Variants in MAPK10 observed in about 807,000 individuals in gnomAD.
The protein encoded by MAPK10 is JNK3 alpha protein kinase.
Under a neutral mutation model 59.3 loss-of-function variants are expected in MAPK10, and 25 were observed. That is an observed-to-expected ratio of 0.42 (90% CI 0.31 to 0.59). MAPK10 has a LOEUF of 0.59. MAPK10 is among the 20% of genes least tolerant of loss of function. The pLI is 0.15. For synonymous variants in MAPK10, 190 were observed against 200.5 expected (o/e 0.95, Z 0.44); for missense variants, 351 against 568.9 (o/e 0.62, Z 3.90).
At chr4:86,248,861 C>T (rs1204309566) in intron 2 of MAPK10, among the ~76,000 whole-genome samples, 3 of 152,080 alleles carry the variant, frequency 2.0e-5, no homozygotes, top group Admixed American at 6.6e-5. Flanking sequence ...GGAGAACAAA[C>T]CATAAATCTG....
intron 1 of MAPK10, among the ~76,000 whole-genome samples, chr4:86,366,221 T>C (rs1737868678): frequency 6.6e-6 from 1 of 152,120 alleles, no homozygotes; most frequent in South Asian, 2.1e-4. Context: ...GAATCAGAGC[T>C]GTGTTTGTCT....
chr4:86,389,421 T>A (rs548374668), intron 1 of MAPK10, among the ~76,000 whole-genome samples: 1 of 152,374 alleles, frequency 6.6e-6, no homozygotes, highest in Non-Finnish European at 1.5e-5. Flanking sequence ...TACTACTGTA[T>A]AACATTTAAC....
In MAPK10 at chr4:86,026,949, A is replaced by G. The variant is rs1750600281; in HGVS notation, c.1252+2248T>C. On this transcript the variant is annotated intron_variant, in intron 13 of 13. Coordinates refer to ENST00000641462, the MANE Select transcript of MAPK10 (RefSeq NM_138982.4). ...AGGGTCTGCCAATTTCCATGTTGTA[A>G]ATCCTTCGTGCCTGATTTCACGTTG... The G allele has an allele frequency of 1.3e-5, 2 of 152,170 alleles. 1 individual carries two copies. The highest frequency in any genetic ancestry group is 4.1e-4 in the South Asian group (2 of 4,820). The allele number at this position is 152,170 out of a possible 1,614,324, so 9.4% of individuals were successfully genotyped here.
chr4:86,067,387 C>T (rs1484401777), intron 10 of MAPK10, among the ~76,000 whole-genome samples: 1 of 152,092 alleles, frequency 6.6e-6, no homozygotes, highest in Non-Finnish European at 1.5e-5. Context: ...ACCTCTTGAT[C>T]CTCCCGCCTC....
chr4:86,517,390 C>T (rs900491134), intron 1 of MAPK10, among the ~76,000 whole-genome samples: 2 of 151,154 alleles, frequency 1.3e-5, no homozygotes, highest in African/African-American at 4.9e-5. Context: ...ATTCTCCTGC[C>T]TCAGCTTCGC....
intron 2 of MAPK10, among the ~76,000 whole-genome samples, chr4:86,229,597 T>C (rs1043721385): frequency 6.6e-6 from 1 of 152,146 alleles, no homozygotes; most frequent in Non-Finnish European, 1.5e-5. Flanking sequence ...ACATCCTTAA[T>C]GGTTAACTAA....
chr4:86,400,231 C>CA (rs1166955294), intron 1 of MAPK10, among the ~76,000 whole-genome samples: 2 of 152,134 alleles, frequency 1.3e-5, no homozygotes, highest in African/African-American at 2.4e-5. Context: ...TCTGACATTA[C>CA]ATGCTGATTA....
chr4:86,103,622 A>C (rs951214052), intron 5 of MAPK10, among the ~76,000 whole-genome samples: 8 of 152,112 alleles, frequency 5.3e-5, no homozygotes, highest in Non-Finnish European at 1.0e-4. Flanking sequence ...AGTGAGACTT[A>C]GCAAGGGGAT....
At chr4:86,436,514 TTGA>T (rs1232729677) in intron 1 of MAPK10, among the ~76,000 whole-genome samples, 2 of 152,146 alleles carry the variant, frequency 1.3e-5, no homozygotes, top group Non-Finnish European at 2.9e-5. Flanking sequence ...TAGCCTTTTT[TTGA>T]TGTATTTTTT....
intron 1 of MAPK10, among the ~76,000 whole-genome samples, chr4:86,418,534 C>T (rs1368927920): frequency 6.6e-6 from 1 of 152,216 alleles, no homozygotes; most frequent in Non-Finnish European, 1.5e-5. Context: ...CTGCAAACTA[C>T]TCAAACCATG....
intron 9 of MAPK10, among the ~76,000 whole-genome samples, chr4:86,072,953 G>A (rs1234129368): frequency 1.7e-5 from 1 of 57,890 alleles, no homozygotes; most frequent in Admixed American, 1.5e-4. Context: ...GATTGGAATA[G>A]TTTCAGAAGG....
At chr4:86,052,257 C>T (rs546344261) in intron 11 of MAPK10, among the ~76,000 whole-genome samples, 4 of 152,072 alleles carry the variant, frequency 2.6e-5, no homozygotes, top group East Asian at 1.9e-4. Flanking sequence ...TTTCCTAAAA[C>T]GTGTATTAAA....
intron 9 of MAPK10, among the ~76,000 whole-genome samples, chr4:86,083,192 G>A (rs1240747720): frequency 6.6e-6 from 1 of 152,036 alleles, no homozygotes; most frequent in East Asian, 1.9e-4. Flanking sequence ...CCCCCTGAAA[G>A]GACCCCAATT....
chr4:86,204,462 A>G (rs1380735924), intron 2 of MAPK10, among the ~76,000 whole-genome samples: 1 of 151,996 alleles, frequency 6.6e-6, no homozygotes, highest in African/African-American at 2.4e-5. Flanking sequence ...TAGAGTTATC[A>G]CCAATGAGAG....
chr4:86,251,369 C>T (rs980752816), intron 2 of MAPK10, among the ~76,000 whole-genome samples: 2 of 151,184 alleles, frequency 1.3e-5, no homozygotes, highest in African/African-American at 2.4e-5. Context: ...TATTCCCCTT[C>T]CTGTGTCCAT....
At chr4:86,510,450 CAG>C (rs999518090) in intron 1 of MAPK10, among the ~76,000 whole-genome samples, 2 of 151,852 alleles carry the variant, frequency 1.3e-5, no homozygotes, top group South Asian at 2.1e-4. Context: ...AAAATAAAAA[CAG>C]AAATTTTTTC....
intron 2 of MAPK10, among the ~76,000 whole-genome samples, chr4:86,301,491 C>T (rs2095472234): frequency 6.6e-6 from 1 of 151,926 alleles, no homozygotes; most frequent in South Asian, 2.1e-4. Flanking sequence ...CACAGCCATA[C>T]GTAACTGTCA....
At chr4:86,227,858 A>G (rs759529582) in intron 2 of MAPK10, among the ~76,000 whole-genome samples, 1 of 152,134 alleles carries the variant, frequency 6.6e-6, no homozygotes, top group Non-Finnish European at 1.5e-5. Flanking sequence ...CTCAAAGTGT[A>G]CTTAGGGTTT....
At chr4:86,207,845 A>G (rs1420924298) in intron 2 of MAPK10, among the ~76,000 whole-genome samples, 5 of 152,054 alleles carry the variant, frequency 3.3e-5, no homozygotes, top group African/African-American at 1.2e-4. Flanking sequence ...TTGGCTCTCT[A>G]TTTGTCTGTT....
Sources: allele counts gnomAD v4.1 joint callset (sites outside exome capture counted in the v4.1 genomes callset), GRCh38; gene constraint gnomAD v4.1.1; transcripts MANE v1.5; gene names NCBI Gene and HGNC (gene_info 2026-07-23, HGNC 2026-07-21).